AQP7: variants seen among roughly 807,000 people sequenced by gnomAD.
The protein encoded by AQP7 is aquaporin 7, also known as aquaporin-7.
AQP7 carries 22 observed loss-of-function variants against 26.1 expected under a neutral mutation model. The ratio of observed to expected loss-of-function variants is 0.84; its 90% CI spans 0.60 to 1.20. The LOEUF is 1.20. Ranked by LOEUF, AQP7 falls within the 50% of genes most tolerant of loss-of-function variation. The pLI, the probability that AQP7 is intolerant of heterozygous loss-of-function variation, is 0.00. For synonymous variants in AQP7, 167 were observed against 181.7 expected, an observed-to-expected ratio of 0.92 and a Z score of 0.65; for missense variants, 412 against 457.5, an observed-to-expected ratio of 0.90 and a Z score of 0.91.
intron 2 of AQP7, among the ~76,000 whole-genome samples, chr9:33,400,829 A>C (rs1826214118): frequency 6.6e-6 from 1 of 150,966 alleles, no homozygotes; most frequent in Non-Finnish European, 1.5e-5. Flanking sequence ...ACCTGAAAAG[A>C]AACTCAGTGT....
intron 1 of AQP7, among the ~76,000 whole-genome samples, chr9:33,402,036 C>T (rs12553919): frequency 1.3e-5 from 2 of 152,162 alleles, no homozygotes; most frequent in East Asian, 3.9e-4. Context: ...GGTCCACTGC[C>T]GGTGGTCTTC....
Position 33,387,080 on chromosome 9 carries a change from C to T in AQP7, c.157G>A (p.Gly53Ser), listed in dbSNP as rs750945114. ...TTTAGAACCATATGGGCCACGGAAC[C>T]AAGGCCGAATACCTACAAGGGAGGG... ...STYVMMVFGL[G>S]SVAHMVLNKK... The change falls in exon 4 of 8, where the codon GGT becomes AGT. Residue 53 changes from glycine (G) to serine (S), a missense_variant. Coordinates refer to ENST00000297988, the MANE Select transcript of AQP7 (RefSeq NM_001170.3). The T allele has an allele frequency of 6.2e-7, 1 of 1,611,906 alleles. No individual in the cohort carries two copies. Among genetic ancestry groups the T allele is most frequent in the East Asian group, 2.2e-5 (1 of 44,872 alleles).
chr9:33,387,135 C>G (rs887225686), intron 3 of AQP7, 43 bp from the exon 4 acceptor site: 2 of 1,585,042 alleles, frequency 1.3e-6, no homozygotes, highest in African/African-American at 2.7e-5. Flanking sequence ...CCCAGAAGCC[C>G]CAACCTCAGA....
intron 3 of AQP7, among the ~76,000 whole-genome samples, chr9:33,388,855 T>C: frequency 6.6e-6 from 1 of 152,102 alleles, no homozygotes; most frequent in African/African-American, 2.4e-5. Context: ...GCCACTGTTT[T>C]GTTTGTTTGT....
At chr9:33,398,931 T>C (rs1416918509) in intron 2 of AQP7, among the ~76,000 whole-genome samples, 1 of 151,562 alleles carries the variant, frequency 6.6e-6, no homozygotes, top group East Asian at 1.9e-4. Context: ...ACTAAATAGC[T>C]AACAGCTCAC....
At chr9:33,387,418 G>A (rs1226097374) in intron 3 of AQP7, among the ~76,000 whole-genome samples, 4 of 152,092 alleles carry the variant, frequency 2.6e-5, no homozygotes, top group African/African-American at 4.8e-5. Context: ...GGGGATGGCT[G>A]GCATGCATTG....
At chr9:33,402,047 A>C (rs910673230) in intron 1 of AQP7, among the ~76,000 whole-genome samples, 1 of 151,990 alleles carries the variant, frequency 6.6e-6, no homozygotes, top group Non-Finnish European at 1.5e-5. Flanking sequence ...GGTGGTCTTC[A>C]GCTCTCTCCT....
chr9:33,386,818 T>C lies in AQP7; in HGVS notation c.268+151A>G, dbSNP rs1824861876. 3 of 1,190,416 alleles carry C rather than the reference T, an allele frequency of 2.5e-6. No individual in the cohort carries two copies. In the East Asian group the frequency reaches 7.5e-5, roughly 30 times the overall value. 73.7% of individuals were successfully genotyped at this position (1,190,416 alleles called of 1,614,324 possible). A position where few individuals can be genotyped will look rare whatever the true frequency, so the allele number is the denominator to read the frequency against. The stretch of plus-strand genomic sequence containing the variant: ...GGAAGAATCTGGGGCAAACACGTCA[T>C]AGGCACGGGGTTCAGAGGAGACTTC... On this transcript the variant is annotated intron_variant, in intron 4 of 7. Transcript: ENST00000297988.
At chr9:33,385,551 G>A (rs1292052877) in intron 7 of AQP7, 98 bp downstream of exon 7, 16 of 1,451,724 alleles carry the variant, frequency 1.1e-5, no homozygotes, top group Admixed American at 1.7e-5. Flanking sequence ...GGGCTCAGCA[G>A]GACCCTCCTG....
intron 3 of AQP7, among the ~76,000 whole-genome samples, chr9:33,394,845 G>A (rs542794988): frequency 1.8e-4 from 27 of 151,880 alleles, no homozygotes; most frequent in Non-Finnish European, 3.2e-4. Flanking sequence ...ATTTCCAGCC[G>A]TGCCCCGGAT....
Position 33,401,252 on chromosome 9 carries a change from G to A in AQP7, c.11C>T (p.Ala4Val), listed in dbSNP as rs143956595. The A allele has an allele frequency of 3.2e-6, 5 of 1,549,212 alleles. No homozygotes were observed. The African/African-American group carries it at 5.5e-5, about 17-fold the overall frequency. Residue 4 changes from alanine to valine, a missense_variant, in exon 2 of 8, where the codon GCA becomes GTA. Physicochemically the swap from Ala to Val is moderately conservative, Grantham distance 64. Transcript: ENST00000297988. MVQ[A>V]SGHRRSTRGS... ...GGGTACTTACCGCCTGTGCCCGGATGCTTGAACCATGTTTTGTCTTTCAGA... is the reference window on the plus strand; with the variant it reads ...GGGTACTTACCGCCTGTGCCCGGATACTTGAACCATGTTTTGTCTTTCAGA...
intron 2 of AQP7, among the ~76,000 whole-genome samples, chr9:33,400,476 A>T (rs1408351222): frequency 6.6e-6 from 1 of 152,144 alleles, no homozygotes; most frequent in Non-Finnish European, 1.5e-5. Context: ...GCATGTTTGA[A>T]GAAAGCAAAG....
intron 3 of AQP7, among the ~76,000 whole-genome samples, chr9:33,390,744 C>G (rs200578356): frequency 6.6e-6 from 1 of 152,172 alleles, no homozygotes; most frequent in Non-Finnish European, 1.5e-5. Flanking sequence ...GGGACTGGAG[C>G]AGGCATGGAG....
chr9:33,401,438 G>A (rs1262080306), intron 1 of AQP7, 151 bp from the exon 2 acceptor site: 15 of 676,894 alleles, frequency 2.2e-5, no homozygotes, highest in South Asian at 3.5e-5. Context: ...AGGGAGGAGC[G>A]GTGCTCAGCC....
Position 33,387,951 on chromosome 9 carries a change from C to A in AQP7, c.145-859G>T, listed in dbSNP as rs915214938. Among the ~76,000 whole-genome samples the A allele has an allele frequency of 5.3e-5, 8 of 152,162 alleles. No homozygotes were observed. The East Asian group carries it at 5.8e-4, about 11-fold the overall frequency. Reference sequence around the variant, plus strand: ...TTCAGTCAGGCCGCAGGAGAGAACACGCTGGCCAGCTGCTTCACCCCTTCC... The same window carrying A: ...TTCAGTCAGGCCGCAGGAGAGAACAAGCTGGCCAGCTGCTTCACCCCTTCC... On this transcript the variant is annotated intron_variant, in intron 3 of 7. Transcript: ENST00000297988.
Position 33,384,804 on chromosome 9 carries a change from C to G in AQP7, c.*201G>C, listed in dbSNP as rs1369522187. 74 of 614,676 alleles carry G rather than the reference C, an allele frequency of 1.2e-4. No individual in the cohort carries two copies. The East Asian group carries it at 1.9e-3, about 16-fold the overall frequency. 38.1% of individuals were successfully genotyped at this position (614,676 alleles called of 1,614,324 possible). A position where few individuals can be genotyped will look rare whatever the true frequency, so the allele number is the denominator to read the frequency against. On this transcript the variant is annotated 3_prime_UTR_variant, in exon 8 of 8. Transcript: ENST00000297988. ...CGCAGGTCATCTCTTCCCCATTCTC[C>G]CCCTGGGGCACCCCAGTTCCCAGGG...
At position 33,385,721 on chromosome 9, in the gene AQP7, G is replaced by A. The variant is rs770503247; in HGVS notation, c.671C>T (p.Ala224Val). 1.2e-5 allele frequency: 20 copies of A among 1,613,818 alleles called. No homozygotes were observed. Among genetic ancestry groups the A allele is most frequent in the African/African-American group, 2.7e-5 (2 of 74,924 alleles). The part of the protein sequence containing the change: ...GVSLGMNTGY[A>V]INPSRDLPPR... ...GGGCAGGTCCCGGGACGGGTTGATG[G>A]CATATCCTGTGTTCATGCCAAGGGA... Residue 224 changes from alanine to valine, a missense_variant, in exon 7 of 8, where the codon GCC (alanine) becomes GTC (valine). By Grantham distance (64) the Ala-to-Val change is moderately conservative. Transcript: ENST00000297988.
At position 33,385,865 on chromosome 9, in the gene AQP7, G is replaced by T. The variant is rs62542746; in HGVS notation, c.527C>A (p.Ala176Glu). 74 of 1,604,058 alleles carry T rather than the reference G, an allele frequency of 4.6e-5. No individual in the cohort carries two copies. The highest frequency in any genetic ancestry group is 6.1e-5 in the Non-Finnish European group (72 of 1,173,582). Residue 176 changes from alanine to glutamate, a missense_variant and splice_region_variant, in exon 7 of 8, where the codon GCG (alanine) becomes GAG (glutamate). Transcript: ENST00000297988. ...MTLWRGFLNE[A>E]WLTGMLQLCL... ...CAGCTGGAGCATCCCGGTCAGCCACGCCTGAGGAGCAGATGCTGTGGCAGC... is the reference window on the plus strand; with the variant it reads ...CAGCTGGAGCATCCCGGTCAGCCACTCCTGAGGAGCAGATGCTGTGGCAGC...
At chr9:33,385,954 G>C (rs1158771576) in intron 6 of AQP7, 88 bp from the exon 7 acceptor site, 1 of 1,560,842 alleles carries the variant, frequency 6.4e-7, no homozygotes, top group Non-Finnish European at 8.7e-7. Context: ...CCCACCAGCA[G>C]AGACACGTCT....
Sources: allele counts gnomAD v4.1 joint callset (sites outside exome capture counted in the v4.1 genomes callset), GRCh38; gene constraint gnomAD v4.1.1; transcripts MANE v1.5; gene names NCBI Gene and HGNC (gene_info 2026-07-23, HGNC 2026-07-21).